Variants in UBA6 observed in about 807,000 individuals in gnomAD.
UBA6 encodes the protein ubiquitin-like modifier-activating enzyme 6.
Under a neutral mutation model 148.3 loss-of-function variants are expected in UBA6, and 87 were observed. That is an observed-to-expected ratio of 0.59 (90% CI 0.49 to 0.70). UBA6 has a LOEUF of 0.70. Ranked by LOEUF, UBA6 falls within the 30% of genes least tolerant of loss-of-function variation. UBA6 has a pLI of 0.00. For missense variants in UBA6, 1,186 were observed against 1,241.2 expected, an observed-to-expected ratio of 0.96 and a Z score of 0.67; for synonymous variants, 376 against 401.0, an observed-to-expected ratio of 0.94 and a Z score of 0.75.
intron 27 of UBA6, among the ~76,000 whole-genome samples, chr4:67,627,870 A>C (rs529830014): frequency 1.1e-3 from 171 of 151,692 alleles, no homozygotes; most frequent in African/African-American, 3.9e-3. Flanking sequence ...AAGAAAAAAA[A>C]GTTTTCAAAC....
At chr4:67,663,351 A>G in intron 11 of UBA6, 136 bp from the exon 12 acceptor site, 1 of 563,342 alleles carries the variant, frequency 1.8e-6, no homozygotes, top group South Asian at 3.7e-5. Flanking sequence ...ACTCTATTTA[A>G]CAAATAAGAA....
Position 67,633,396 on chromosome 4 carries a change from G to T in UBA6, c.2091C>A (p.Ser697=), listed in dbSNP as rs142641388. ...TTAATCTTGCTAATTCTACACACTG[G>T]GACCAATTTCTAGGTCTTCTGCTAA... ...KLLSRRPRNW[S]QCVELARLKF... is the part of the protein sequence containing the mutation. Residue 697 remains serine (S), a synonymous_variant, in exon 23 of 33, where the codon TCC becomes TCA. Transcript: ENST00000322244. 8.1e-6 allele frequency: 13 copies of T among 1,609,292 alleles called. No individual in the cohort carries two copies. The highest frequency in any genetic ancestry group is 1.1e-5 in the Non-Finnish European group (13 of 1,178,484).
intron 18 of UBA6, among the ~76,000 whole-genome samples, chr4:67,640,327 T>C (rs1266980936): frequency 6.6e-6 from 1 of 152,214 alleles, no homozygotes; most frequent in Non-Finnish European, 1.5e-5. Context: ...TGTTACTTTG[T>C]CTATTATATT....
chr4:67,700,808 G>A (rs1367281260), intron 1 of UBA6, among the ~76,000 whole-genome samples: 1 of 152,122 alleles, frequency 6.6e-6, no homozygotes, highest in Non-Finnish European at 1.5e-5. Context: ...ATCCCAGCCA[G>A]AACTGAGAAA....
intron 32 of UBA6, among the ~76,000 whole-genome samples, chr4:67,621,588 T>A (rs1178313493): frequency 6.6e-6 from 1 of 151,998 alleles, no homozygotes; most frequent in African/African-American, 2.4e-5. Flanking sequence ...GAAATCACCT[T>A]AGGTCAGGAG....
In UBA6 at chr4:67,638,944, T is replaced by C; in HGVS notation, c.1735A>G (p.Ser579Gly). ...DNVEARRYVDSRCLANLRPLL... is the reference protein window; with the variant it reads ...DNVEARRYVDGRCLANLRPLL... ...GGAACATGAATTTCAAGAACATACC[T>C]GTCTACGTATCTCCTGGCTTCCACA... The change falls in exon 19 of 33, where the codon AGT (serine) becomes GGT (glycine). Residue 579 changes from serine (S) to glycine (G), a missense_variant and splice_region_variant. Transcript: ENST00000322244. 1 of 1,595,202 alleles carries C rather than the reference T, an allele frequency of 6.3e-7. No homozygotes were observed. Among genetic ancestry groups the C allele is most frequent in the Non-Finnish European group, 8.6e-7 (1 of 1,168,176 alleles).
intron 8 of UBA6, 81 bp from the exon 9 acceptor site, chr4:67,668,755 A>T (rs1730070192): frequency 3.7e-6 from 5 of 1,356,982 alleles, no homozygotes; most frequent in Admixed American, 2.5e-5. Flanking sequence ...AGCAAAAATG[A>T]CAAAGTTACC....
rs181411881 is a variant in UBA6, at chr4:67,633,683, T to C, written c.2014-210A>G. Among the ~76,000 whole-genome samples, 307 of 152,272 alleles carry C rather than the reference T, an allele frequency of 2.0e-3. 1 individual carries two copies. Among genetic ancestry groups the C allele is most frequent in the Non-Finnish European group, 3.2e-3 (218 of 67,950 alleles). On this transcript the variant is annotated intron_variant, in intron 22 of 32. Coordinates refer to ENST00000322244, the MANE Select transcript of UBA6 (RefSeq NM_018227.6). ...GAATGGTAAGAGATAGCATACAAAA[T>C]TTTAACTCTGATTTCTTATCTTACA...
intron 13 of UBA6, among the ~76,000 whole-genome samples, chr4:67,651,818 C>A (rs1271499891): frequency 6.6e-6 from 1 of 151,942 alleles, no homozygotes; most frequent in Non-Finnish European, 1.5e-5. Flanking sequence ...ACAAAAATGC[C>A]ATGACATTTC....
At chr4:67,685,331 A>C (rs1246628527) in intron 2 of UBA6, among the ~76,000 whole-genome samples, 1 of 152,134 alleles carries the variant, frequency 6.6e-6, no homozygotes, top group Admixed American at 6.5e-5. Context: ...TTGCTTAAAA[A>C]ACCCCAGTGG....
Position 67,656,659 on chromosome 4 carries a change from T to C in UBA6, c.1104+5530A>G, listed in dbSNP as rs528670262. 5.9e-5 allele frequency among the ~76,000 whole-genome samples: 9 copies of C among 152,304 alleles called. No homozygotes were observed. The East Asian group carries it at 1.2e-3, about 20-fold the overall frequency. Reference sequence around the variant, plus strand: ...CCTCTCTCACCACTCCTATTCAACATAGTCTTGGAAGTTCTCGCCAGGGCA... The same window carrying C: ...CCTCTCTCACCACTCCTATTCAACACAGTCTTGGAAGTTCTCGCCAGGGCA... On this transcript the variant is annotated intron_variant, in intron 13 of 32. Transcript: ENST00000322244.
chr4:67,662,879 A>T (rs749225368), intron 12 of UBA6: 14 of 312,386 alleles, frequency 4.5e-5, no homozygotes, highest in African/African-American at 1.9e-4. Flanking sequence ...AATTCTCAGA[A>T]TTTTTTTTGT....
At chr4:67,681,992 AACTC>A in intron 3 of UBA6, 123 bp downstream of exon 3, 3 of 699,444 alleles carry the variant, frequency 4.3e-6, no homozygotes, top group South Asian at 3.9e-5. Context: ...AAAGATTAAA[AACTC>A]AATCTGATCA....
intron 2 of UBA6, among the ~76,000 whole-genome samples, chr4:67,688,938 A>G (rs949515512): frequency 7.2e-5 from 11 of 152,108 alleles, no homozygotes; most frequent in Non-Finnish European, 1.2e-4. Context: ...GAAAACAAAA[A>G]CAATACTGGA....
At position 67,677,740 on chromosome 4, in the gene UBA6, A is replaced by G. The variant is rs374924810; in HGVS notation, c.354-18T>C. 18 of 1,352,358 alleles carry G rather than the reference A, an allele frequency of 1.3e-5. No homozygotes were observed. The highest frequency in any genetic ancestry group is 1.9e-5 in the Non-Finnish European group (18 of 960,660). The allele number at this position is 1,352,358 out of a possible 1,614,324, so 83.8% of individuals were successfully genotyped here. A position where few individuals can be genotyped will look rare whatever the true frequency, so the allele number is the denominator to read the frequency against. On this transcript the variant is annotated intron_variant, in intron 5 of 32. Coordinates refer to ENST00000322244, the MANE Select transcript of UBA6 (RefSeq NM_018227.6). ...CTTCAGCCCTAAAAAAATAAAATAA[A>G]TTTTTACTGTTCTTTAATTCAATAT...
chr4:67,641,046 T>G, intron 18 of UBA6, 105 bp downstream of exon 18: 1 of 720,638 alleles, frequency 1.4e-6, no homozygotes, highest in Non-Finnish European at 2.3e-6. Context: ...TTTGAAAGTT[T>G]CTAATAAAAT....
chr4:67,696,430 CAT>C (rs768203815), intron 2 of UBA6, among the ~76,000 whole-genome samples: 2 of 148,992 alleles, frequency 1.3e-5, no homozygotes, highest in East Asian at 2.0e-4. Context: ...TATATACACA[CAT>C]ATATATACAC....
chr4:67,622,314 AC>A (rs914061923), intron 32 of UBA6, among the ~76,000 whole-genome samples: 4 of 151,914 alleles, frequency 2.6e-5, no homozygotes, highest in African/African-American at 9.7e-5. Context: ...GCAACTCAAC[AC>A]CCCCAACTCC....
intron 17 of UBA6, among the ~76,000 whole-genome samples, chr4:67,643,706 T>A (rs1244841006): frequency 6.6e-6 from 1 of 152,024 alleles, no homozygotes. Flanking sequence ...CTTAAAAAAA[T>A]GTATACAGTA....
Sources: gnomAD v4.1 joint callset for allele counts (sites outside exome capture counted in the v4.1 genomes callset) on GRCh38, gnomAD v4.1.1 for gene constraint, MANE v1.5 for transcripts, NCBI Gene and HGNC (gene_info 2026-07-23, HGNC 2026-07-21) for gene names.